UBE3C: variants seen among roughly 807,000 people sequenced by gnomAD.
UBE3C encodes ubiquitin protein ligase E3C, also known as ubiquitin-protein ligase E3C.
Under a neutral mutation model 129.4 loss-of-function variants are expected in UBE3C, and 42 were observed. That is an observed-to-expected ratio of 0.32 (90% confidence interval 0.25 to 0.42). UBE3C has a LOEUF of 0.42. UBE3C is among the 10% of genes least tolerant of loss of function. UBE3C has a pLI of 1.00. For synonymous variants in UBE3C, 510 were observed against 492.4 expected, an observed-to-expected ratio of 1.04 and a Z score of -0.47; for missense variants, 1,049 against 1,319.1, an observed-to-expected ratio of 0.80 and a Z score of 3.17.
chr7:157,264,972 T>A (rs938025459), intron 22 of UBE3C, among the ~76,000 whole-genome samples: 1 of 152,248 alleles, frequency 6.6e-6, no homozygotes, highest in Non-Finnish European at 1.5e-5. Context: ...CTCATGTTAT[T>A]CTTTGAGATA....
rs576535659 is a variant in UBE3C, at chr7:157,220,845, A to G, written c.2002+69A>G. Reference sequence around the variant, plus strand: ...GCTGTCAAATTCACTCCTTTAATCTACAGATCTGTTATTTTTCATAAACTT... The same window carrying G: ...GCTGTCAAATTCACTCCTTTAATCTGCAGATCTGTTATTTTTCATAAACTT... On this transcript the variant is annotated intron_variant, in intron 15 of 22. Coordinates refer to ENST00000348165, the MANE Select transcript of UBE3C (RefSeq NM_014671.3). 3.9e-5 allele frequency: 59 copies of G among 1,522,890 alleles called. No individual in the cohort carries two copies. The South Asian group carries it at 6.7e-4, about 17-fold the overall frequency. The allele number at this position is 1,522,890 out of a possible 1,614,324, so 94.3% of individuals were successfully genotyped here. A position where few individuals can be genotyped will look rare whatever the true frequency, so the allele number is the denominator to read the frequency against.
chr7:157,216,688 C>A (rs574801699), intron 13 of UBE3C, among the ~76,000 whole-genome samples, 179 bp from the exon 14 acceptor site: 1 of 152,290 alleles, frequency 6.6e-6, no homozygotes, highest in South Asian at 2.1e-4. Context: ...CAGATAACTG[C>A]TTTGTATACA....
At position 157,187,027 on chromosome 7, in the gene UBE3C, T is replaced by C; in HGVS notation, c.1331+6T>C. On this transcript the variant is annotated splice_donor_region_variant and intron_variant, in intron 10 of 22. Transcript: ENST00000348165. ...ATGATGGTACCCAAAGTCAGGCAAG[T>C]GTCCGTGGGCGTCTGTGCCAGGGGG... 1.3e-6 allele frequency: 2 copies of C among 1,592,838 alleles called. No homozygotes were observed. The highest frequency in any genetic ancestry group is 8.6e-7 in the Non-Finnish European group (1 of 1,169,242).
rs1254344609 is a variant in UBE3C at position 157,268,333 on chromosome 7, C to G, written c.*578C>G. On this transcript the variant is annotated 3_prime_UTR_variant, in exon 23 of 23. Transcript: ENST00000348165. Reference sequence around the variant, plus strand: ...ATTTGTGCTTTTTAAGCCATTTCCCCAAATGGGACTAGCATGCTTGTTTTC... The same window carrying G: ...ATTTGTGCTTTTTAAGCCATTTCCCGAAATGGGACTAGCATGCTTGTTTTC... 6.6e-6 allele frequency: 1 copy of G among 152,660 alleles called. No individual in the cohort carries two copies. Among genetic ancestry groups the G allele is most frequent in the Non-Finnish European group, 1.5e-5 (1 of 68,080 alleles). The allele number at this position is 152,660 out of a possible 1,614,324, so 9.5% of individuals were successfully genotyped here.
chr7:157,200,506 T>C (rs1809250800), intron 10 of UBE3C, among the ~76,000 whole-genome samples: 1 of 152,262 alleles, frequency 6.6e-6, no homozygotes, highest in Non-Finnish European at 1.5e-5. Context: ...GATTACACAA[T>C]TGTGGCTAGA....
rs34431702 is a variant in UBE3C at position 157,186,542 on chromosome 7, TA to T, written c.1144-281del. Among the ~76,000 whole-genome samples the T allele has an allele frequency of 5.1e-3, 747 of 146,320 alleles. 3 individuals carry two copies. Among genetic ancestry groups the T allele is most frequent in the African/African-American group, 0.015 (615 of 40,250 alleles). On this transcript the variant is annotated intron_variant, in intron 9 of 22. Transcript: ENST00000348165. ...ATGGTTGTCTTAGTGCAGCTTGATG[TA>T]AAAAAAAAAAGTAGGAAATGAAGTT...
chr7:157,174,783 A>G (rs977293563), intron 4 of UBE3C, 136 bp from the exon 5 acceptor site: 2 of 621,104 alleles, frequency 3.2e-6, no homozygotes, highest in Admixed American at 3.4e-5. Flanking sequence ...GACTTAGAAT[A>G]TTTACTTCTT....
intron 2 of UBE3C, 85 bp from the exon 3 acceptor site, chr7:157,168,963 A>T: frequency 1.0e-6 from 1 of 1,001,690 alleles, no homozygotes; most frequent in Non-Finnish European, 1.6e-6. Flanking sequence ...CATAGCTGTT[A>T]GTGTTTTTAA....
chr7:157,174,991 A>G lies in UBE3C; in HGVS notation c.415A>G (p.Thr139Ala). ...GCAGTTGGATGGATCTGAGAGACTTACATGCTTATTTCAGATAAAAAGATT... is the reference window on the plus strand; with the variant it reads ...GCAGTTGGATGGATCTGAGAGACTTGCATGCTTATTTCAGATAAAAAGATT... Reference protein sequence around the residue: ...VKQLDGSERLTCLFQIKRLMS... With the variant: ...VKQLDGSERLACLFQIKRLMS... The change falls in exon 5 of 23, where the codon ACA becomes GCA. Residue 139 changes from threonine to alanine, a missense_variant. Around this residue, in one of 4 missense-constraint regions of UBE3C, gnomAD observed 489 missense variants for 513.8 expected, o/e 0.95. Transcript: ENST00000348165. 1.9e-6 allele frequency: 3 copies of G among 1,612,850 alleles called. No homozygotes were observed. The highest frequency in any genetic ancestry group is 2.5e-6 in the Non-Finnish European group (3 of 1,179,542).
Position 157,182,441 on chromosome 7 carries a change from AGG to A in UBE3C, c.991+114_991+115del, listed in dbSNP as rs1287888502. ...TTATGGAAAGGTGGGCCTCTCCTGGAGGAGTGTATTTGCTGGAGGGATGTGGT... is the reference window on the plus strand; with the variant it reads ...TTATGGAAAGGTGGGCCTCTCCTGGAAGTGTATTTGCTGGAGGGATGTGGT... On this transcript the variant is annotated intron_variant, in intron 8 of 22. Transcript: ENST00000348165. 4.5e-6 allele frequency: 5 copies of A among 1,101,466 alleles called. No homozygotes were observed. In the African/African-American group the frequency reaches 7.9e-5, roughly 17 times the overall value. 68.2% of individuals were successfully genotyped at this position (1,101,466 alleles called of 1,614,324 possible).
rs143958665 is a variant in UBE3C at position 157,229,363 on chromosome 7, G to A, written c.2234-1717G>A. The stretch of plus-strand genomic sequence containing the variant: ...GAACTTCTCTCTTGTTGCCCAGGCT[G>A]GAGTGCAATGGCACAATCTTGACTC... On this transcript the variant is annotated intron_variant, in intron 17 of 22. Transcript: ENST00000348165. Among the ~76,000 whole-genome samples, 283 of 152,288 alleles carry A rather than the reference G, an allele frequency of 1.9e-3. 1 individual carries two copies. Among genetic ancestry groups the A allele is most frequent in the African/African-American group, 6.6e-3 (276 of 41,550 alleles).
chr7:157,245,896 CAGG>C (rs1563073008), intron 18 of UBE3C, among the ~76,000 whole-genome samples: 1 of 146,068 alleles, frequency 6.8e-6, no homozygotes. Flanking sequence ...GAAACTGAGA[CAGG>C]AGAATCGCTT....
chr7:157,208,131 A>G (rs532572259), intron 13 of UBE3C, among the ~76,000 whole-genome samples, 196 bp downstream of exon 13: 4 of 133,772 alleles, frequency 3.0e-5, no homozygotes, highest in East Asian at 2.3e-4. Context: ...CTGGAGTGCA[A>G]TGACACCATC....
At chr7:157,206,188 C>T (rs1054596646) in intron 11 of UBE3C, among the ~76,000 whole-genome samples, 1 of 152,142 alleles carries the variant, frequency 6.6e-6, no homozygotes, top group Non-Finnish European at 1.5e-5. Flanking sequence ...AGACAAGGAA[C>T]CAGACTTAAA....
At chr7:157,238,139 T>C (rs1038231281) in intron 18 of UBE3C, among the ~76,000 whole-genome samples, 3 of 152,236 alleles carry the variant, frequency 2.0e-5, no homozygotes, top group Non-Finnish European at 2.9e-5. Flanking sequence ...TGTAACTTTA[T>C]GAAATAAAAG....
At chr7:157,183,841 TTAAC>T in intron 8 of UBE3C, 33 bp from the exon 9 acceptor site, 5 of 1,577,036 alleles carry the variant, frequency 3.2e-6, no homozygotes, top group Admixed American at 1.8e-5. Context: ...AAAATAATGT[TTAAC>T]TAAAATACGT....
At chr7:157,238,799 G>A (rs1338401385) in intron 18 of UBE3C, among the ~76,000 whole-genome samples, 1 of 152,158 alleles carries the variant, frequency 6.6e-6, no homozygotes, top group African/African-American at 2.4e-5. Context: ...CCAAGGTTTA[G>A]AGTCCAGAGA....
intron 22 of UBE3C, among the ~76,000 whole-genome samples, chr7:157,258,690 C>T (rs1796820852): frequency 1.3e-5 from 2 of 152,064 alleles, no homozygotes; most frequent in African/African-American, 4.8e-5. Context: ...AAACTCCTGA[C>T]CTCAGGTGAT....
intron 10 of UBE3C, among the ~76,000 whole-genome samples, chr7:157,191,230 G>T (rs937518989): frequency 6.6e-6 from 1 of 152,208 alleles, no homozygotes; most frequent in African/African-American, 2.4e-5. Flanking sequence ...GAAGCGCAGT[G>T]CTTCTTTTCT....
Sources: gnomAD v4.1 joint callset for allele counts (sites outside exome capture counted in the v4.1 genomes callset) on GRCh38, gnomAD v4.1.1 for gene constraint, gnomAD v4.1.1 regional missense constraint, MANE v1.5 for transcripts, NCBI Gene and HGNC (gene_info 2026-07-23, HGNC 2026-07-21) for gene names.